The following PEAK1 variants were observed in gnomAD, a reference collection of about 807,000 sequenced individuals.
The protein encoded by PEAK1 is inactive tyrosine-protein kinase PEAK1.
In PEAK1, 54 loss-of-function variants were observed where a neutral mutation model predicts 124.7. The observed-to-expected ratio is 0.43, with a 90% CI of 0.35 to 0.54. PEAK1 has a LOEUF of 0.54. PEAK1 is among the 20% of genes least tolerant of loss of function. The pLI, the probability that PEAK1 is intolerant of heterozygous loss-of-function variation, is 0.01. For synonymous variants in PEAK1, 719 were observed against 760.0 expected (o/e 0.95, Z 0.89); for missense variants, 2,046 against 2,134.5 (o/e 0.96, Z 0.82).
rs539147779 is a variant in PEAK1 at position 77,378,375 on chromosome 15, A to C, written c.-665-13150T>G. ...ATGGGCAGTGGAAGTCATAAGCAAA[A>C]GCAAAATGAAATGATCGTCAAAAAT... On this transcript the variant is annotated intron_variant, in intron 1 of 9. Transcript: ENST00000682557. 2.5e-4 allele frequency among the ~76,000 whole-genome samples: 38 copies of C among 152,164 alleles called. No homozygotes were observed. In the South Asian group the frequency reaches 6.2e-3, roughly 25 times the overall value.
chr15:77,323,813 C>A (rs2065396420), intron 2 of PEAK1, among the ~76,000 whole-genome samples: 1 of 152,122 alleles, frequency 6.6e-6, no homozygotes, highest in South Asian at 2.1e-4. Flanking sequence ...CAAAAAAGAG[C>A]CTGCATTGCC....
At chr15:77,320,249 G>A (rs2065116006) in intron 2 of PEAK1, among the ~76,000 whole-genome samples, 1 of 151,894 alleles carries the variant, frequency 6.6e-6, no homozygotes, top group Non-Finnish European at 1.5e-5. Context: ...AAATCACTTG[G>A]TACAGAATTC....
intron 6 of PEAK1, among the ~76,000 whole-genome samples, chr15:77,227,943 G>A (rs891023862): frequency 6.6e-6 from 1 of 151,928 alleles, no homozygotes. Flanking sequence ...TTGCAGTGAG[G>A]TATGATCACA....
chr15:77,179,291 G>A lies in PEAK1; in HGVS notation c.2636C>T (p.Pro879Leu). The A allele has an allele frequency of 6.2e-7, 1 of 1,614,138 alleles. No individual in the cohort carries two copies. Among genetic ancestry groups the A allele is most frequent in the Non-Finnish European group, 8.5e-7 (1 of 1,180,028 alleles). The change falls in exon 7 of 10, where the codon CCT becomes CTT. Residue 879 changes from proline (P) to leucine (L), a missense_variant. Physicochemically the swap from Pro to Leu is moderately conservative, Grantham distance 98. Transcript: ENST00000682557. ...CTGCAAAAGGTTACCTGCATGGTAA[G>A]GAGAAGAAGTAGAGCGTGGCGGGGG... ...PFPPPRSTSS[P>L]YHAGNLLQRH...
At chr15:77,400,830 T>A (rs548106793) in intron 1 of PEAK1, among the ~76,000 whole-genome samples, 4 of 152,122 alleles carry the variant, frequency 2.6e-5, no homozygotes, top group African/African-American at 9.7e-5. Flanking sequence ...TAGAAAAATA[T>A]TGAAGGAAGA....
intron 1 of PEAK1, chr15:77,404,353 T>C (rs2071624538): frequency 1.0e-6 from 1 of 984,230 alleles, no homozygotes; most frequent in South Asian, 4.7e-5. Context: ...TAGCCACCTG[T>C]GGCTACGAAG....
intron 1 of PEAK1, among the ~76,000 whole-genome samples, chr15:77,370,124 A>G (rs1012911406): frequency 2.0e-5 from 3 of 152,142 alleles, no homozygotes; most frequent in African/African-American, 7.2e-5. Context: ...GATATTCTCT[A>G]AACCAAGCAA....
chr15:77,166,918 A>T (rs28635381), intron 7 of PEAK1, among the ~76,000 whole-genome samples: 2,160 of 152,228 alleles, frequency 0.014, 51 homozygotes, highest in African/African-American at 0.049. Flanking sequence ...CCAAACTTTC[A>T]TGTACCTAAG....
chr15:77,168,232 C>T (rs1050296376), intron 7 of PEAK1, among the ~76,000 whole-genome samples: 11 of 74,494 alleles, frequency 1.5e-4, no homozygotes, highest in East Asian at 3.5e-4. Flanking sequence ...TATGCATGTG[C>T]GCGCGCACAC....
chr15:77,222,429 A>G (rs961625295), intron 6 of PEAK1, among the ~76,000 whole-genome samples: 19 of 151,998 alleles, frequency 1.3e-4, no homozygotes, highest in Non-Finnish European at 2.8e-4. Flanking sequence ...CATATATATT[A>G]CTGCTAATCA....
chr15:77,153,038 T>A (rs1411335869), intron 8 of PEAK1, among the ~76,000 whole-genome samples: 1 of 152,162 alleles, frequency 6.6e-6, no homozygotes, highest in Non-Finnish European at 1.5e-5. Flanking sequence ...CTTTTTCTAT[T>A]GATTGGAATA....
At chr15:77,166,822 A>T (rs1469382388) in intron 7 of PEAK1, among the ~76,000 whole-genome samples, 1 of 152,168 alleles carries the variant, frequency 6.6e-6, no homozygotes, top group East Asian at 1.9e-4. Context: ...CTTATCCAAG[A>T]TGACACTAAT....
At chr15:77,232,994 G>A (rs529438026) in intron 6 of PEAK1, among the ~76,000 whole-genome samples, 11 of 152,286 alleles carry the variant, frequency 7.2e-5, no homozygotes, top group Admixed American at 5.2e-4. Flanking sequence ...TGATCCACCT[G>A]CCTCGGCCTC....
intron 8 of PEAK1, among the ~76,000 whole-genome samples, chr15:77,134,269 T>C (rs1358688507): frequency 6.6e-6 from 1 of 152,244 alleles, no homozygotes; most frequent in Non-Finnish European, 1.5e-5. Context: ...GTATTATATA[T>C]AGCATTTGTC....
rs1171211504 is a variant in PEAK1 at position 77,181,087 on chromosome 15, C to T, written c.840G>A (p.Leu280=). The part of the protein sequence containing the change: ...PRFANFRANT[L]SPVRFFVDKK... ...TGTCCACAAAGAATCGAACAGGAGA[C>T]AATGTGTTTGCTCTGAAGTTGGCAA... is the stretch of plus-strand genomic sequence containing the variant. The change falls in exon 7 of 10, where the codon TTG becomes TTA. Residue 280 remains leucine (L), a synonymous_variant. Transcript: ENST00000682557. 3 of 1,614,076 alleles carry T rather than the reference C, an allele frequency of 1.9e-6. No individual in the cohort carries two copies. The highest frequency in any genetic ancestry group is 1.7e-6 in the Non-Finnish European group (2 of 1,180,026).
At chr15:77,212,872 G>T (rs1184691432) in intron 6 of PEAK1, among the ~76,000 whole-genome samples, 3 of 152,156 alleles carry the variant, frequency 2.0e-5, no homozygotes, top group African/African-American at 7.2e-5. Flanking sequence ...CCCAGCTTGA[G>T]ATATCTGAAT....
At chr15:77,376,639 T>G (rs1007841528) in intron 1 of PEAK1, among the ~76,000 whole-genome samples, 5 of 152,212 alleles carry the variant, frequency 3.3e-5, no homozygotes, top group African/African-American at 1.2e-4. Context: ...AAATTGAATA[T>G]TATTTATTAT....
At chr15:77,311,505 G>A (rs2064441284) in intron 2 of PEAK1, among the ~76,000 whole-genome samples, 1 of 151,904 alleles carries the variant, frequency 6.6e-6, no homozygotes, top group Non-Finnish European at 1.5e-5. Flanking sequence ...GCAAAACCCT[G>A]TCTCTACTAA....
intron 5 of PEAK1, among the ~76,000 whole-genome samples, chr15:77,274,496 A>C (rs567632389): frequency 6.2e-4 from 95 of 152,246 alleles, no homozygotes; most frequent in Non-Finnish European, 1.2e-3. Context: ...ATGGCCAAAA[A>C]ACATATGAAA....
Sources: gnomAD v4.1 joint callset for allele counts (sites outside exome capture counted in the v4.1 genomes callset) on GRCh38, gnomAD v4.1.1 for gene constraint, MANE v1.5 for transcripts, NCBI Gene and HGNC (gene_info 2026-07-23, HGNC 2026-07-21) for gene names.